ASB7: variants seen among roughly 807,000 people sequenced by gnomAD.
The protein encoded by ASB7 is ankyrin repeat and SOCS box protein 7.
Under a neutral mutation model 32.5 loss-of-function variants are expected in ASB7, and 4 were observed. The observed-to-expected ratio is 0.12, with a 90% CI of 0.06 to 0.28. The LOEUF is 0.28. Among genes scored for constraint, ASB7 ranks in the 10% least tolerant of loss-of-function variants. ASB7 has a pLI of 1.00. For synonymous variants in ASB7, 172 were observed against 155.6 expected (o/e 1.11, Z -0.78); for missense variants, 181 against 407.1 (o/e 0.44, Z 4.78).
chr15:100,636,485 T>C (rs1269239860), intron 5 of ASB7, among the ~76,000 whole-genome samples: 1 of 152,208 alleles, frequency 6.6e-6, no homozygotes, highest in Non-Finnish European at 1.5e-5. Context: ...ATCCCCCAAC[T>C]GTGCCTGTGT....
chr15:100,630,163 T>C (rs1238154950), intron 5 of ASB7, 121 bp downstream of exon 5: 14 of 1,375,030 alleles, frequency 1.0e-5, no homozygotes, highest in Non-Finnish European at 1.2e-5. Flanking sequence ...CACTGCTTGG[T>C]AAGCGATGCC....
At chr15:100,613,293 C>T (rs1422997752) in intron 4 of ASB7, among the ~76,000 whole-genome samples, 2 of 152,186 alleles carry the variant, frequency 1.3e-5, no homozygotes, top group Non-Finnish European at 2.9e-5. Context: ...AACTTCCTTG[C>T]ATTTTGAGGT....
intron 5 of ASB7, among the ~76,000 whole-genome samples, chr15:100,634,756 A>G (rs1488740544): frequency 2.0e-5 from 3 of 152,236 alleles, no homozygotes; most frequent in Non-Finnish European, 4.4e-5. Context: ...GTGAGCCGAG[A>G]TCACGCCACT....
intron 4 of ASB7, among the ~76,000 whole-genome samples, chr15:100,628,339 G>A (rs1292668978): frequency 1.3e-5 from 2 of 152,250 alleles, no homozygotes; most frequent in East Asian, 3.9e-4. Context: ...CCTAAATAAC[G>A]TTTATTAAAC....
At chr15:100,635,683 G>A (rs1186896494) in intron 5 of ASB7, among the ~76,000 whole-genome samples, 2 of 152,208 alleles carry the variant, frequency 1.3e-5, no homozygotes, top group African/African-American at 4.8e-5. Context: ...GTTGTAAGGT[G>A]TGGGGAGGGC....
At chr15:100,645,721 C>T in intron 5 of ASB7, 4 of 1,577,630 alleles carry the variant, frequency 2.5e-6, no homozygotes, top group Non-Finnish European at 2.6e-6. Flanking sequence ...GTCTGATATG[C>T]CTATCTGTGC....
chr15:100,625,164 A>T (rs2039827597), intron 4 of ASB7, among the ~76,000 whole-genome samples: 1 of 152,190 alleles, frequency 6.6e-6, no homozygotes, highest in Non-Finnish European at 1.5e-5. Context: ...TCCTTTTAAG[A>T]TCAGGAACCA....
intron 4 of ASB7, among the ~76,000 whole-genome samples, chr15:100,627,188 T>G (rs1260367729): frequency 2.0e-5 from 3 of 152,228 alleles, no homozygotes; most frequent in Admixed American, 6.5e-5. Context: ...CTTGTTGAGA[T>G]TATGCTACAG....
chr15:100,603,187 C>T (rs543541733), intron 1 of ASB7, 28 bp from the exon 2 acceptor site: 11 of 390,396 alleles, frequency 2.8e-5, no homozygotes, highest in Non-Finnish European at 4.5e-5. Flanking sequence ...TGAGACACTA[C>T]ACCACTCACT....
chr15:100,617,932 G>A (rs994915920), intron 4 of ASB7, among the ~76,000 whole-genome samples: 2 of 152,032 alleles, frequency 1.3e-5, no homozygotes, highest in African/African-American at 2.4e-5. Context: ...GTTATGGTGG[G>A]ATTATAAAGT....
chr15:100,644,514 T>C (rs112127686), intron 5 of ASB7, among the ~76,000 whole-genome samples: 361 of 152,340 alleles, frequency 2.4e-3, no homozygotes, highest in Non-Finnish European at 3.2e-3. Flanking sequence ...GTTTTATACT[T>C]TAAGGACAAG....
intron 2 of ASB7, among the ~76,000 whole-genome samples, 162 bp downstream of exon 2, chr15:100,603,475 A>AT (rs2141382002): frequency 7.7e-6 from 1 of 129,450 alleles, no homozygotes; most frequent in South Asian, 2.5e-4. Context: ...CCCGTGCCTG[A>AT]TACTTAACAT....
intron 4 of ASB7, among the ~76,000 whole-genome samples, chr15:100,620,718 C>T (rs2039784315): frequency 3.9e-5 from 6 of 152,196 alleles, no homozygotes; most frequent in African/African-American, 1.4e-4. Context: ...GAAATTGTAA[C>T]AAACTCATTA....
intron 5 of ASB7, among the ~76,000 whole-genome samples, chr15:100,637,155 G>A (rs1224862147): frequency 6.6e-6 from 1 of 152,234 alleles, no homozygotes; most frequent in Non-Finnish European, 1.5e-5. Context: ...AAAGGGCAGT[G>A]ATGATGATTG....
chr15:100,620,714 G>T (rs1307489479), intron 4 of ASB7, among the ~76,000 whole-genome samples: 1 of 152,200 alleles, frequency 6.6e-6, no homozygotes, highest in African/African-American at 2.4e-5. Context: ...GGTGGAAATT[G>T]TAACAAACTC....
chr15:100,616,153 G>A (rs916761069), intron 4 of ASB7, among the ~76,000 whole-genome samples: 1 of 152,136 alleles, frequency 6.6e-6, no homozygotes, highest in Non-Finnish European at 1.5e-5. Context: ...TTCCTGGTGT[G>A]ATATACCTGC....
chr15:100,621,650 G>T (rs868053620), intron 4 of ASB7, among the ~76,000 whole-genome samples: 8 of 152,158 alleles, frequency 5.3e-5, no homozygotes, highest in Middle Eastern at 3.4e-3. Context: ...GACAGTAATT[G>T]CACAAAGAAA....
chr15:100,603,289 C>CGT lies in ASB7; in HGVS notation c.-198_-197insGT. On this transcript the variant is annotated 5_prime_UTR_variant, in exon 2 of 6. Transcript: ENST00000332783. ...TATCAGAGAAGCAGAAGGCACAGTG[C>CGT]CTCTGACCAGCATCGTCTGTAAAGG... 1 of 313,096 alleles carries CGT rather than the reference C, an allele frequency of 3.2e-6. No homozygotes were observed. Among genetic ancestry groups the CGT allele is most frequent in the Non-Finnish European group, 5.8e-6 (1 of 172,446 alleles). The allele number at this position is 313,096 out of a possible 1,614,324, so 19.4% of individuals were successfully genotyped here. A position where few individuals can be genotyped will look rare whatever the true frequency, so the allele number is the denominator to read the frequency against.
At chr15:100,645,683 G>C in intron 5 of ASB7, 2 of 1,509,226 alleles carry the variant, frequency 1.3e-6, no homozygotes, top group Non-Finnish European at 1.8e-6. Context: ...CAACACGAAA[G>C]AACCATCTTT....
Sources: allele counts gnomAD v4.1 joint callset (sites outside exome capture counted in the v4.1 genomes callset), GRCh38; gene constraint gnomAD v4.1.1; transcripts MANE v1.5; gene names NCBI Gene and HGNC (gene_info 2026-07-23, HGNC 2026-07-21).